The following CDH12 variants were observed in gnomAD, a reference collection of about 807,000 sequenced individuals.
The protein encoded by CDH12 is cadherin-12.
A neutral mutation model predicts 74.1 loss-of-function variants in CDH12; 41 were observed. That is an observed-to-expected ratio of 0.55 (90% CI 0.43 to 0.72). The LOEUF (loss-of-function observed/expected upper bound fraction) is 0.72, where lower values mean the gene tolerates loss of function less well. Ranked by LOEUF, CDH12 falls within the 30% of genes least tolerant of loss-of-function variation. The pLI, the probability that CDH12 is intolerant of heterozygous loss-of-function variation, is 0.00. For synonymous variants in CDH12, 399 were observed against 355.0 expected, an observed-to-expected ratio of 1.12 and a Z score of -1.39; for missense variants, 945 against 977.2, an observed-to-expected ratio of 0.97 and a Z score of 0.44.
intron 3 of CDH12, among the ~76,000 whole-genome samples, chr5:22,227,417 T>C (rs1305270638): frequency 6.6e-6 from 1 of 152,112 alleles, no homozygotes; most frequent in Non-Finnish European, 1.5e-5. Context: ...CAATAATTAC[T>C]CAATTTTGAA....
chr5:21,762,460 G>A (rs886289861), intron 12 of CDH12, among the ~76,000 whole-genome samples: 6 of 152,052 alleles, frequency 3.9e-5, no homozygotes, highest in African/African-American at 1.4e-4. Context: ...TCTTAGACTA[G>A]GGGCAGAATG....
At chr5:22,362,331 T>G (rs940094760) in intron 3 of CDH12, among the ~76,000 whole-genome samples, 3 of 152,044 alleles carry the variant, frequency 2.0e-5, no homozygotes, top group Non-Finnish European at 4.4e-5. Context: ...CATGAAAAAA[T>G]GTTCATCATC....
At chr5:22,788,127 G>T (rs1376240363) in intron 1 of CDH12, among the ~76,000 whole-genome samples, 1 of 152,048 alleles carries the variant, frequency 6.6e-6, no homozygotes, top group East Asian at 1.9e-4. Context: ...ATGTTGACAG[G>T]ACATGGTCAT....
intron 1 of CDH12, among the ~76,000 whole-genome samples, chr5:22,753,939 C>T (rs1410283408): frequency 6.6e-6 from 1 of 152,024 alleles, no homozygotes; most frequent in East Asian, 1.9e-4. Context: ...TTCATTTTTC[C>T]TCTTAATGAA....
At chr5:22,266,045 AT>A (rs1202099608) in intron 3 of CDH12, among the ~76,000 whole-genome samples, 1 of 73,434 alleles carries the variant, frequency 1.4e-5, no homozygotes. Context: ...TTGATTATTT[AT>A]TTATTTATTT....
intron 10 of CDH12, among the ~76,000 whole-genome samples, chr5:21,787,418 T>TTTTG (rs70957062): frequency 0.68 from 103,276 of 151,422 alleles, 36,177 homozygotes; most frequent in Non-Finnish European, 0.77. Flanking sequence ...TGTTTTTGTT[T>TTTTG]TTTGTTTTGC....
intron 2 of CDH12, among the ~76,000 whole-genome samples, chr5:22,466,323 AG>A (rs1393477874): frequency 6.6e-6 from 1 of 152,194 alleles, no homozygotes; most frequent in East Asian, 1.9e-4. Context: ...AGTTTTTAAA[AG>A]CTCAGTAACC....
intron 1 of CDH12, among the ~76,000 whole-genome samples, chr5:22,550,375 C>T (rs888575781): frequency 1.3e-5 from 2 of 152,146 alleles, no homozygotes; most frequent in Admixed American, 6.6e-5. Context: ...GCAGCTTAAA[C>T]TTTACATGTT....
intron 1 of CDH12, among the ~76,000 whole-genome samples, chr5:22,795,851 G>A (rs1192206185): frequency 6.6e-6 from 1 of 151,868 alleles, no homozygotes; most frequent in Non-Finnish European, 1.5e-5. Context: ...AATTATCTGA[G>A]GAAGTCAGAA....
chr5:22,122,076 T>G (rs1196790661), intron 4 of CDH12, among the ~76,000 whole-genome samples: 7 of 152,130 alleles, frequency 4.6e-5, no homozygotes, highest in Admixed American at 2.0e-4. Context: ...CTCAGGATCT[T>G]TCAATGCTTT....
intron 8 of CDH12, among the ~76,000 whole-genome samples, chr5:21,824,990 C>T (rs902590094): frequency 6.6e-6 from 1 of 151,820 alleles, no homozygotes; most frequent in Non-Finnish European, 1.5e-5. Context: ...TCCATCTCTA[C>T]CAAAAATAAA....
intron 3 of CDH12, among the ~76,000 whole-genome samples, chr5:22,391,635 GC>G (rs1450200230): frequency 6.6e-6 from 1 of 151,928 alleles, no homozygotes; most frequent in East Asian, 1.9e-4. Context: ...TGGAATTAGT[GC>G]CCTACCTAAA....
chr5:22,525,200 A>G (rs1255808370), intron 1 of CDH12, among the ~76,000 whole-genome samples: 1 of 152,146 alleles, frequency 6.6e-6, no homozygotes, highest in Admixed American at 6.6e-5. Flanking sequence ...TTCTTAAACC[A>G]GTCTATCATT....
intron 4 of CDH12, chr5:22,142,995 T>C (rs894120089): frequency 9.9e-5 from 22 of 222,640 alleles, no homozygotes; most frequent in Non-Finnish European, 2.0e-4. Flanking sequence ...ATAATGTTAC[T>C]GTAACTTGGG....
At position 22,115,689 on chromosome 5, in the gene CDH12, C is replaced by CTTTTT. The variant is rs10669028; in HGVS notation, c.-186-36832_-186-36828dup. 2.4e-4 allele frequency among the ~76,000 whole-genome samples: 27 copies of CTTTTT among 110,464 alleles called. 1 individual carries two copies. Among genetic ancestry groups the CTTTTT allele is most frequent in the Non-Finnish European group, 2.6e-4 (15 of 56,796 alleles). The allele number at this position is 110,464 out of a possible 152,430, so 72.5% of individuals were successfully genotyped here. A position where few individuals can be genotyped will look rare whatever the true frequency, so the allele number is the denominator to read the frequency against. On this transcript the variant is annotated intron_variant, in intron 4 of 14. Coordinates refer to ENST00000382254, the MANE Select transcript of CDH12 (RefSeq NM_004061.5). ...ATAGGCACAATTTTGGTCCTCGCGA[C>CTTTTT]TTTTTTTTTTTTTTTTTTTTTGAGA... is the stretch of plus-strand genomic sequence containing the variant.
At chr5:21,833,354 A>C (rs1749320250) in intron 8 of CDH12, among the ~76,000 whole-genome samples, 1 of 68,138 alleles carries the variant, frequency 1.5e-5, no homozygotes, top group Non-Finnish European at 2.2e-5. Flanking sequence ...CATATAATAT[A>C]TATTATATAT....
chr5:22,512,746 ATG>A (rs1374162348), intron 1 of CDH12, among the ~76,000 whole-genome samples: 1 of 152,166 alleles, frequency 6.6e-6, no homozygotes, highest in Non-Finnish European at 1.5e-5. Context: ...TTGCTGCTAA[ATG>A]TGTGAGATGT....
chr5:22,064,097 T>A (rs1475998824), intron 5 of CDH12, among the ~76,000 whole-genome samples: 1 of 151,932 alleles, frequency 6.6e-6, no homozygotes, highest in African/African-American at 2.4e-5. Flanking sequence ...TGTGGAAATG[T>A]TCAATAAATA....
intron 3 of CDH12, among the ~76,000 whole-genome samples, chr5:22,286,879 AGTAATGCAGTTT>A (rs1366980165): frequency 6.6e-6 from 1 of 152,214 alleles, no homozygotes; most frequent in Non-Finnish European, 1.5e-5. Flanking sequence ...ACATTTATGA[AGTAATGCAGTTT>A]GTACTGGATG....
Sources: gnomAD v4.1 joint callset for allele counts (sites outside exome capture counted in the v4.1 genomes callset) on GRCh38, gnomAD v4.1.1 for gene constraint, MANE v1.5 for transcripts, NCBI Gene and HGNC (gene_info 2026-07-23, HGNC 2026-07-21) for gene names.